SLC16A9: variants seen among roughly 807,000 people sequenced by gnomAD.
SLC16A9 encodes solute carrier family 16 member 9.
SLC16A9 carries 26 observed loss-of-function variants against 44.3 expected under a neutral mutation model. The observed-to-expected ratio is 0.59, with a 90% CI of 0.43 to 0.81. SLC16A9 has a LOEUF of 0.81. Among genes scored for constraint, SLC16A9 ranks in the 40% least tolerant of loss-of-function variants. The pLI is 0.00. For missense variants in SLC16A9, 559 were observed against 595.8 expected (o/e 0.94, Z 0.64); for synonymous variants, 230 against 225.1 (o/e 1.02, Z -0.19).
chr10:59,666,622 C>T (rs1252046784), intron 3 of SLC16A9, among the ~76,000 whole-genome samples: 1 of 152,170 alleles, frequency 6.6e-6, no homozygotes, highest in Admixed American at 6.5e-5. Flanking sequence ...TAAAAACAAA[C>T]ACATTTGTTT....
chr10:59,688,508 A>G (rs1165895815), intron 1 of SLC16A9, among the ~76,000 whole-genome samples: 1 of 152,144 alleles, frequency 6.6e-6, no homozygotes, highest in Non-Finnish European at 1.5e-5. Flanking sequence ...AGAATTATCC[A>G]AACTTCCAAA....
intron 1 of SLC16A9, among the ~76,000 whole-genome samples, chr10:59,690,367 C>T (rs2132511146): frequency 6.6e-6 from 1 of 152,140 alleles, no homozygotes; most frequent in South Asian, 2.1e-4. Flanking sequence ...AAGGTGTGTC[C>T]ACGTGGAAAG....
intron 1 of SLC16A9, among the ~76,000 whole-genome samples, chr10:59,696,655 TGAG>T (rs1428460151): frequency 6.8e-6 from 1 of 147,628 alleles, no homozygotes; most frequent in Non-Finnish European, 1.5e-5. Context: ...ATCTAGGAAG[TGAG>T]GAGTGTCTCT....
chr10:59,704,806 C>A (rs56289622), intron 1 of SLC16A9, among the ~76,000 whole-genome samples: 3,697 of 152,318 alleles, frequency 0.024, 66 homozygotes, highest in Non-Finnish European at 0.037. Context: ...ATAACACTGA[C>A]GTGTTCTTTC....
chr10:59,707,317 G>T (rs1360933711), intron 1 of SLC16A9, among the ~76,000 whole-genome samples: 2 of 125,906 alleles, frequency 1.6e-5, no homozygotes, highest in South Asian at 6.2e-4. Flanking sequence ...GGGAAGGGAA[G>T]GGAAGGGAAG....
In SLC16A9 at chr10:59,654,473, C is replaced by T; in HGVS notation, c.553G>A (p.Gly185Ser). The T allele has an allele frequency of 2.5e-6, 4 of 1,612,884 alleles. No individual in the cohort carries two copies. Among genetic ancestry groups the T allele is most frequent in the Non-Finnish European group, 3.4e-6 (4 of 1,180,020 alleles). ...GATTGGAGGGGTCTCATCAGACTGC[C>T]ACAGGCTAATATATTTAAAGCTAAA... is the stretch of plus-strand genomic sequence containing the variant. ...GALALNILAC[G>S]SLMRPLQSSD... The change falls in exon 5 of 6, where the codon GGC (glycine) becomes AGC (serine). Residue 185 changes from glycine to serine, a missense_variant. Coordinates refer to ENST00000395348, the MANE Select transcript of SLC16A9 (RefSeq NM_194298.3).
chr10:59,658,212 G>T (rs1839391887), intron 4 of SLC16A9, among the ~76,000 whole-genome samples: 1 of 151,944 alleles, frequency 6.6e-6, no homozygotes, highest in African/African-American at 2.4e-5. Context: ...CAACCTGGAA[G>T]CCCCTGTTTC....
At chr10:59,687,297 A>G (rs1840156043) in intron 1 of SLC16A9, among the ~76,000 whole-genome samples, 1 of 152,204 alleles carries the variant, frequency 6.6e-6, no homozygotes, top group South Asian at 2.1e-4. Context: ...TCTTAACTTT[A>G]GTGGGAATGC....
chr10:59,702,246 T>C (rs1187949172), intron 1 of SLC16A9, among the ~76,000 whole-genome samples: 1 of 152,220 alleles, frequency 6.6e-6, no homozygotes, highest in Non-Finnish European at 1.5e-5. Flanking sequence ...CACCATTGAA[T>C]CTGAAAAGCT....
Position 59,652,653 on chromosome 10 carries a change from CATT to C in SLC16A9, c.*116_*118del. The C allele has an allele frequency of 3.6e-6, 3 of 828,946 alleles. No homozygotes were observed. Among genetic ancestry groups the C allele is most frequent in the Non-Finnish European group, 5.5e-6 (3 of 545,376 alleles). The allele number at this position is 828,946 out of a possible 1,614,324, so 51.3% of individuals were successfully genotyped here. On this transcript the variant is annotated 3_prime_UTR_variant, in exon 6 of 6. Transcript: ENST00000395348. ...AAAAAATAATTCATTCAGAGTCAGTCATTGTGAAATTTTGCTATGAGAAAATAG... is the reference window on the plus strand; with the variant it reads ...AAAAAATAATTCATTCAGAGTCAGTCGTGAAATTTTGCTATGAGAAAATAG...
At chr10:59,697,133 CA>C (rs1413990589) in intron 1 of SLC16A9, among the ~76,000 whole-genome samples, 1 of 119,718 alleles carries the variant, frequency 8.4e-6, no homozygotes, top group Non-Finnish European at 1.8e-5. Flanking sequence ...CCCGCCCAGC[CA>C]GCCACCCCGT....
intron 1 of SLC16A9, among the ~76,000 whole-genome samples, chr10:59,699,901 A>AACACACACACACACAC (rs57820696): frequency 6.8e-5 from 10 of 147,558 alleles, no homozygotes; most frequent in African/African-American, 2.3e-4. Context: ...CTGCACTGAA[A>AACACACACACACACAC]ACACACACAC....
intron 1 of SLC16A9, among the ~76,000 whole-genome samples, chr10:59,706,818 C>T (rs998163919): frequency 6.6e-6 from 1 of 151,462 alleles, no homozygotes; most frequent in Admixed American, 6.6e-5. Flanking sequence ...ACTAAAGATA[C>T]AAAAAATTAG....
rs1337698795 is a variant in SLC16A9, at chr10:59,657,340, C to CA, written c.437-2752dup. Among the ~76,000 whole-genome samples the CA allele has an allele frequency of 1.0e-3, 156 of 152,312 alleles. 3 individuals are homozygous for CA. Among genetic ancestry groups the CA allele is most frequent in the Non-Finnish European group, 2.5e-4 (17 of 68,030 alleles). The stretch of plus-strand genomic sequence containing the variant: ...CACTACAGAGGAAGATCGCTTCCCC[C>CA]AAACCTTCATTTCATGCCCACATTC... On this transcript the variant is annotated intron_variant, in intron 4 of 5. Transcript: ENST00000395348.
intron 2 of SLC16A9, among the ~76,000 whole-genome samples, chr10:59,679,843 C>G (rs1052018760): frequency 6.6e-6 from 1 of 152,196 alleles, no homozygotes; most frequent in African/African-American, 2.4e-5. Flanking sequence ...TTTGCATGGA[C>G]TTCCCTCTCC....
At chr10:59,703,781 A>G (rs144440928) in intron 1 of SLC16A9, among the ~76,000 whole-genome samples, 1,656 of 150,156 alleles carry the variant, frequency 0.011, 33 homozygotes, top group African/African-American at 0.038. Context: ...TGCAGTGGCG[A>G]GATCTCGGCT....
intron 3 of SLC16A9, among the ~76,000 whole-genome samples, chr10:59,666,849 T>C (rs1839629164): frequency 1.4e-5 from 2 of 140,872 alleles, no homozygotes; most frequent in Non-Finnish European, 3.0e-5. Flanking sequence ...TTGTTACCAA[T>C]GATAAAATTC....
intron 4 of SLC16A9, among the ~76,000 whole-genome samples, chr10:59,657,775 T>A (rs1374099302): frequency 6.6e-6 from 1 of 152,178 alleles, no homozygotes; most frequent in Non-Finnish European, 1.5e-5. Context: ...CCCTTTCATA[T>A]GTCCAATAAC....
chr10:59,701,122 TG>T (rs1840513424), intron 1 of SLC16A9, among the ~76,000 whole-genome samples: 1 of 152,198 alleles, frequency 6.6e-6, no homozygotes, highest in African/African-American at 2.4e-5. Flanking sequence ...CCTGGAAAAC[TG>T]TCATGACCGT....
Sources: allele counts gnomAD v4.1 joint callset (sites outside exome capture counted in the v4.1 genomes callset), GRCh38; gene constraint gnomAD v4.1.1; transcripts MANE v1.5; gene names NCBI Gene and HGNC (gene_info 2026-07-23, HGNC 2026-07-21).